Variants in SEPHS1 observed in about 807,000 individuals in gnomAD.
SEPHS1 encodes zincore component SEPHS1.
A neutral mutation model predicts 39.2 loss-of-function variants in SEPHS1; 7 were observed. The observed-to-expected ratio is 0.18, with a 90% CI of 0.10 to 0.34. The LOEUF (loss-of-function observed/expected upper bound fraction) is 0.34. Ranked by LOEUF, SEPHS1 falls within the 10% of genes least tolerant of loss-of-function variation. The probability of loss-of-function intolerance (pLI) is 1.00; values close to 1 mark genes in which losing one functional copy is unlikely to be tolerated. For missense variants in SEPHS1, 253 were observed against 514.5 expected (o/e 0.49, Z 4.92); for synonymous variants, 190 against 195.5 (o/e 0.97, Z 0.23).
intron 7 of SEPHS1, among the ~76,000 whole-genome samples, chr10:13,324,287 C>A (rs974541780): frequency 6.6e-6 from 1 of 152,276 alleles, no homozygotes; most frequent in East Asian, 1.9e-4. Flanking sequence ...CAATTATATT[C>A]CATCATACAG....
chr10:13,328,466 T>A lies in SEPHS1; in HGVS notation c.652-16A>T, dbSNP rs754515158. The A allele has an allele frequency of 1.3e-6, 2 of 1,532,730 alleles. No individual in the cohort carries two copies. The allele number at this position is 1,532,730 out of a possible 1,614,324, so 94.9% of individuals were successfully genotyped here. A position where few individuals can be genotyped will look rare whatever the true frequency, so the allele number is the denominator to read the frequency against. On this transcript the variant is annotated splice_polypyrimidine_tract_variant and intron_variant, in intron 6 of 8. Transcript: ENST00000327347. ...ATTTCTCAGGCTGATAATAGAAATG[T>A]AGGTGAGGGAGAGAAAGAGAGGAAA...
At chr10:13,321,107 C>A (rs1833099544) in intron 8 of SEPHS1, among the ~76,000 whole-genome samples, 1 of 152,112 alleles carries the variant, frequency 6.6e-6, no homozygotes, top group South Asian at 2.1e-4. Context: ...TCGACGTGAC[C>A]AGGGCTTTGT....
At chr10:13,320,009 T>A (rs1431406638) in intron 8 of SEPHS1, among the ~76,000 whole-genome samples, 1 of 152,198 alleles carries the variant, frequency 6.6e-6, no homozygotes, top group Admixed American at 6.5e-5. Flanking sequence ...CTACATCGAC[T>A]CTCTCATTTT....
At chr10:13,340,288 T>C (rs1004739020) in intron 2 of SEPHS1, among the ~76,000 whole-genome samples, 3 of 151,780 alleles carry the variant, frequency 2.0e-5, no homozygotes, top group Non-Finnish European at 4.4e-5. Context: ...AAGCAGAAAC[T>C]CTTGCTGGAA....
At chr10:13,328,634 A>G (rs148499719) in intron 6 of SEPHS1, among the ~76,000 whole-genome samples, 184 bp from the exon 7 acceptor site, 15 of 152,340 alleles carry the variant, frequency 9.8e-5, no homozygotes, top group Non-Finnish European at 2.1e-4. Flanking sequence ...TAGACCTGTC[A>G]GCATGGCGTC....
intron 6 of SEPHS1, 102 bp from the exon 7 acceptor site, chr10:13,328,552 CT>C: frequency 1.3e-6 from 1 of 798,668 alleles, no homozygotes. Context: ...TATTTAACTT[CT>C]AGGGACTTTA....
chr10:13,344,679 G>A, intron 2 of SEPHS1, 79 bp downstream of exon 2: 1 of 1,013,440 alleles, frequency 9.9e-7, no homozygotes, highest in Non-Finnish European at 1.4e-6. Context: ...AAATAAATAG[G>A]CAACATGGGA....
chr10:13,325,545 C>G (rs937715268), intron 7 of SEPHS1, among the ~76,000 whole-genome samples: 5 of 152,186 alleles, frequency 3.3e-5, no homozygotes, highest in Admixed American at 3.3e-4. Flanking sequence ...CCTTCACCAT[C>G]TGCCACGACT....
rs983093222 is a variant in SEPHS1 at position 13,347,649 on chromosome 10, C to G, written c.-79+351G>C. Among the ~76,000 whole-genome samples the G allele has an allele frequency of 3.4e-5, 5 of 147,014 alleles. No homozygotes were observed. The East Asian group carries it at 6.0e-4, about 18-fold the overall frequency. On this transcript the variant is annotated intron_variant, in intron 1 of 8. Transcript: ENST00000327347. ...ACCCCGCGACCCCAGGCCGGCCGCT[C>G]CCGCCGCGCGCACGGGCCGCCGCCG...
chr10:13,348,132 G>GGCGGC lies in SEPHS1; in HGVS notation c.-212_-211insGCCGC, dbSNP rs1833992304. The GGCGGC allele has an allele frequency of 6.9e-6, 1 of 145,072 alleles. No individual in the cohort carries two copies. Among genetic ancestry groups the GGCGGC allele is most frequent in the Non-Finnish European group, 1.5e-5 (1 of 65,410 alleles). The allele number at this position is 145,072 out of a possible 1,614,324, so 9.0% of individuals were successfully genotyped here. A position where few individuals can be genotyped will look rare whatever the true frequency, so the allele number is the denominator to read the frequency against. ...CGCGCCCGGCGGCGGCGGCGGCGGC[G>GGCGGC]GGGGCCCGGGCCCGCGCCTGGGCGC... On this transcript the variant is annotated 5_prime_UTR_variant, in exon 1 of 9. Transcript: ENST00000327347.
At chr10:13,336,535 G>A (rs1424782704) in intron 3 of SEPHS1, 185 bp from the exon 4 acceptor site, 1 of 608,108 alleles carries the variant, frequency 1.6e-6, no homozygotes, top group Non-Finnish European at 2.9e-6. Flanking sequence ...AGAGTCACTA[G>A]GCCATTCGTT....
chr10:13,323,214 C>T (rs761610948), intron 7 of SEPHS1, among the ~76,000 whole-genome samples, 167 bp from the exon 8 acceptor site: 1 of 152,138 alleles, frequency 6.6e-6, no homozygotes, highest in Non-Finnish European at 1.5e-5. Flanking sequence ...TCCAAAAGTT[C>T]TTATTTCACT....
chr10:13,338,788 C>T lies in SEPHS1; in HGVS notation c.214G>A (p.Val72Ile), dbSNP rs1564451575. The T allele has an allele frequency of 1.2e-6, 2 of 1,613,550 alleles. No homozygotes were observed. The highest frequency in any genetic ancestry group is 2.7e-5 in the African/African-American group (2 of 74,902). ...PRLGIGMDTCVIPLRHGGLSL... is the reference protein window; with the variant it reads ...PRLGIGMDTCIIPLRHGGLSL... ...AGCCCACCGTGCCTCAAAGGAATGA[C>T]ACAAGTATCCATTCCAATGCCTGTG... Residue 72 changes from valine (V) to isoleucine (I), a missense_variant, in exon 3 of 9, where the codon GTC becomes ATC. By Grantham distance (29) the Val-to-Ile change is conservative. Transcript: ENST00000327347.
intron 3 of SEPHS1, among the ~76,000 whole-genome samples, chr10:13,338,466 C>T (rs1300803662): frequency 6.6e-6 from 1 of 152,200 alleles, no homozygotes; most frequent in African/African-American, 2.4e-5. Flanking sequence ...TACTCAGTTG[C>T]AACAGCAGCA....
At chr10:13,321,798 C>T (rs1003439195) in intron 8 of SEPHS1, among the ~76,000 whole-genome samples, 4 of 152,186 alleles carry the variant, frequency 2.6e-5, no homozygotes, top group African/African-American at 7.2e-5. Flanking sequence ...GCGGCCTCGG[C>T]GGCCGGCAGG....
chr10:13,326,776 C>T (rs1336806651), intron 7 of SEPHS1, among the ~76,000 whole-genome samples: 1 of 152,116 alleles, frequency 6.6e-6, no homozygotes, highest in Non-Finnish European at 1.5e-5. Context: ...TCAAGTGATC[C>T]TCCTGCCTCA....
chr10:13,322,384 G>A (rs1833144349), intron 8 of SEPHS1, among the ~76,000 whole-genome samples: 1 of 152,010 alleles, frequency 6.6e-6, no homozygotes, highest in African/African-American at 2.4e-5. Context: ...GATCTCACGT[G>A]ATGTGCCTGC....
At chr10:13,341,169 A>T (rs1338821618) in intron 2 of SEPHS1, among the ~76,000 whole-genome samples, 2 of 152,178 alleles carry the variant, frequency 1.3e-5, no homozygotes, top group African/African-American at 4.8e-5. Context: ...CACCAATCAC[A>T]TTTCAAGGAA....
chr10:13,346,897 G>GT (rs751870842), intron 1 of SEPHS1, among the ~76,000 whole-genome samples: 13 of 152,052 alleles, frequency 8.5e-5, no homozygotes, highest in Non-Finnish European at 1.6e-4. Context: ...AAAACACCTT[G>GT]TATCAGGAAG....
Sources: allele counts gnomAD v4.1 joint callset (sites outside exome capture counted in the v4.1 genomes callset), GRCh38; gene constraint gnomAD v4.1.1; transcripts MANE v1.5; gene names NCBI Gene and HGNC (gene_info 2026-07-23, HGNC 2026-07-21).